Variants in ST6GALNAC3 observed in about 807,000 individuals in gnomAD.
ST6GALNAC3 encodes the protein ST6 N-acetylgalactosaminide alpha-2,6-sialyltransferase 3.
A neutral mutation model predicts 32.7 loss-of-function variants in ST6GALNAC3; 25 were observed. The ratio of observed to expected loss-of-function variants is 0.76; its 90% CI spans 0.56 to 1.07. ST6GALNAC3 has a LOEUF of 1.07. Ranked by LOEUF, ST6GALNAC3 falls within the 50% of genes least tolerant of loss-of-function variation. The pLI is 0.00. For missense variants in ST6GALNAC3, 355 were observed against 382.4 expected (o/e 0.93, Z 0.60); for synonymous variants, 129 against 133.1 (o/e 0.97, Z 0.21).
intron 3 of ST6GALNAC3, among the ~76,000 whole-genome samples, chr1:76,602,029 C>T (rs1350153354): frequency 2.6e-5 from 4 of 152,130 alleles, no homozygotes; most frequent in African/African-American, 9.7e-5. Flanking sequence ...CATTTAGAGA[C>T]TCTGAAATAG....
chr1:76,485,565 G>A (rs554292730), intron 3 of ST6GALNAC3, among the ~76,000 whole-genome samples: 5 of 152,270 alleles, frequency 3.3e-5, no homozygotes, highest in African/African-American at 1.2e-4. Context: ...GATCAGTGGT[G>A]ATATCCCCTT....
intron 3 of ST6GALNAC3, among the ~76,000 whole-genome samples, chr1:76,469,913 T>A (rs994811494): frequency 5.9e-5 from 9 of 152,132 alleles, no homozygotes; most frequent in Non-Finnish European, 1.0e-4. Context: ...AAGGATCAGC[T>A]AAGTGCTATG....
intron 2 of ST6GALNAC3, among the ~76,000 whole-genome samples, chr1:76,325,802 T>A (rs866317873): frequency 6.6e-6 from 1 of 150,922 alleles, no homozygotes; most frequent in Non-Finnish European, 1.5e-5. Flanking sequence ...AATATATATA[T>A]ATATATTTGG....
Position 76,173,611 on chromosome 1 carries a change from T to G in ST6GALNAC3, c.18+98727T>G, listed in dbSNP as rs530906635. Among the ~76,000 whole-genome samples, 5 of 152,274 alleles carry G rather than the reference T, an allele frequency of 3.3e-5. No homozygotes were observed. In the East Asian group the frequency reaches 9.7e-4, roughly 29 times the overall value. ...TCTGACAAAGGTCTAATATCCAGAA[T>G]CTACAAGGAACTTAGACATATTTAC... On this transcript the variant is annotated intron_variant, in intron 1 of 4. Coordinates refer to ENST00000328299, the MANE Select transcript of ST6GALNAC3 (RefSeq NM_152996.4).
chr1:76,383,314 A>G (rs1344160261), intron 2 of ST6GALNAC3, among the ~76,000 whole-genome samples: 1 of 152,182 alleles, frequency 6.6e-6, no homozygotes, highest in African/African-American at 2.4e-5. Context: ...TCTGTCACCC[A>G]GTCTAGAGTG....
At chr1:76,485,538 T>A (rs1453426734) in intron 3 of ST6GALNAC3, among the ~76,000 whole-genome samples, 1 of 152,142 alleles carries the variant, frequency 6.6e-6, no homozygotes, top group Non-Finnish European at 1.5e-5. Context: ...CTCTGATGGT[T>A]GTTTGTATTT....
At chr1:76,424,278 T>C (rs978341529) in intron 3 of ST6GALNAC3, among the ~76,000 whole-genome samples, 2 of 151,938 alleles carry the variant, frequency 1.3e-5, no homozygotes, top group Non-Finnish European at 2.9e-5. Context: ...CCCATCTTAA[T>C]TGGGAGAGAA....
Position 76,489,062 on chromosome 1 carries a change from T to G in ST6GALNAC3, c.623+76645T>G, listed in dbSNP as rs1660323546. ...TATGTGAAGACAGGAGCTGCATCAT[T>G]ATTATATCTCCAGTGCCTGGCATCG... On this transcript the variant is annotated intron_variant, in intron 3 of 4. Transcript: ENST00000328299. Among the ~76,000 whole-genome samples the G allele has an allele frequency of 2.0e-5, 3 of 152,196 alleles. 1 individual carries two copies. In the South Asian group the frequency reaches 6.2e-4, roughly 31 times the overall value.
In ST6GALNAC3 at chr1:76,632,207, T is replaced by C. The variant is rs1376323710; in HGVS notation, c.*3401T>C. ...CGTTGGGTTACATTTTGAATCCTGA[T>C]GAAAAAAGCAAAAATCCAAATTAAA... On this transcript the variant is annotated 3_prime_UTR_variant, in exon 5 of 5. Transcript: ENST00000328299. 1.3e-5 allele frequency: 2 copies of C among 152,058 alleles called. No homozygotes were observed. Among genetic ancestry groups the C allele is most frequent in the African/African-American group, 4.8e-5 (2 of 41,388 alleles). 9.4% of individuals were successfully genotyped at this position (152,058 alleles called of 1,614,324 possible). A position where few individuals can be genotyped will look rare whatever the true frequency, so the allele number is the denominator to read the frequency against.
At chr1:76,167,079 T>C (rs1652171270) in intron 1 of ST6GALNAC3, among the ~76,000 whole-genome samples, 1 of 152,166 alleles carries the variant, frequency 6.6e-6, no homozygotes, top group Non-Finnish European at 1.5e-5. Context: ...CTTGTGCTGG[T>C]TTTCAAGGGA....
intron 1 of ST6GALNAC3, among the ~76,000 whole-genome samples, chr1:76,197,353 A>G (rs991330208): frequency 1.1e-4 from 17 of 152,216 alleles, no homozygotes; most frequent in African/African-American, 4.1e-4. Context: ...AACCGAGGAA[A>G]AAATATGCAT....
chr1:76,551,890 A>T (rs1664658274), intron 3 of ST6GALNAC3, among the ~76,000 whole-genome samples: 1 of 152,068 alleles, frequency 6.6e-6, no homozygotes, highest in African/African-American at 2.4e-5. Context: ...CTGTACCTCC[A>T]TGAGGTCAAC....
At position 76,313,975 on chromosome 1, in the gene ST6GALNAC3, A is replaced by T; in HGVS notation, c.189A>T (p.Gly63=). 6.2e-7 allele frequency: 1 copy of T among 1,612,936 alleles called. No homozygotes were observed. Among genetic ancestry groups the T allele is most frequent in the Admixed American group, 1.7e-5 (1 of 59,896 alleles). Residue 63 remains glycine, a synonymous_variant, in exon 2 of 5, where the codon GGA becomes GGT. Coordinates refer to ENST00000328299, the MANE Select transcript of ST6GALNAC3 (RefSeq NM_152996.4). ...GGCGGCCCCTTCGAACTCACTATGG[A>T]TACATAAATGTGAAGACACAAGAGG... is the stretch of plus-strand genomic sequence containing the variant. ...TYRRPLRTHY[G]YINVKTQEPL... is the part of the protein sequence containing the mutation.
intron 2 of ST6GALNAC3, among the ~76,000 whole-genome samples, chr1:76,393,219 T>A (rs1652698004): frequency 6.6e-6 from 1 of 152,230 alleles, no homozygotes; most frequent in South Asian, 2.1e-4. Flanking sequence ...AAGCAGTGAT[T>A]TGGAACTGTC....
intron 3 of ST6GALNAC3, among the ~76,000 whole-genome samples, chr1:76,474,971 C>T (rs1659255049): frequency 6.6e-6 from 1 of 152,088 alleles, no homozygotes; most frequent in Non-Finnish European, 1.5e-5. Flanking sequence ...AATAAGAAAC[C>T]CTAACCTCAG....
At chr1:76,446,494 C>G (rs539977013) in intron 3 of ST6GALNAC3, among the ~76,000 whole-genome samples, 7 of 152,294 alleles carry the variant, frequency 4.6e-5, no homozygotes, top group Non-Finnish European at 8.8e-5. Context: ...ATTCAGCCCT[C>G]CCTCCTACTA....
chr1:76,352,497 CTTTT>C (rs397706056), intron 2 of ST6GALNAC3, among the ~76,000 whole-genome samples: 13 of 116,214 alleles, frequency 1.1e-4, no homozygotes, highest in African/African-American at 1.9e-4. Flanking sequence ...TTTTGGTTTC[CTTTT>C]TTTTTTTTTT....
chr1:76,211,614 G>T (rs1208363566), intron 1 of ST6GALNAC3, among the ~76,000 whole-genome samples: 1 of 145,968 alleles, frequency 6.9e-6, no homozygotes, highest in Non-Finnish European at 1.5e-5. Flanking sequence ...CCATAAAAAT[G>T]ATGAGTTCAT....
At chr1:76,194,873 T>C (rs1442013895) in intron 1 of ST6GALNAC3, among the ~76,000 whole-genome samples, 1 of 152,234 alleles carries the variant, frequency 6.6e-6, no homozygotes. Context: ...TCTGTTACTT[T>C]GAAATCCACT....
Sources: gnomAD v4.1 joint callset for allele counts (sites outside exome capture counted in the v4.1 genomes callset) on GRCh38, gnomAD v4.1.1 for gene constraint, MANE v1.5 for transcripts, NCBI Gene and HGNC (gene_info 2026-07-23, HGNC 2026-07-21) for gene names.